Variants in GPC3 observed in about 807,000 individuals in gnomAD.
GPC3 encodes the protein glypican-3.
Under a neutral mutation model 34.4 loss-of-function variants are expected in GPC3, and 3 were observed. The observed-to-expected ratio is 0.09, with a 90% confidence interval of 0.04 to 0.23. GPC3 has a LOEUF of 0.23. Among genes scored for constraint, GPC3 ranks in the 10% least tolerant of loss-of-function variants. GPC3 has a pLI of 1.00. For synonymous variants in GPC3, 177 were observed against 174.0 expected (o/e 1.02, Z -0.13); for missense variants, 351 against 445.6 (o/e 0.79, Z 1.91).
At chrX:133,540,915 G>GGT (rs369378252) in intron 7 of GPC3, among the ~76,000 whole-genome samples, 5,888 of 91,573 alleles carry the variant, frequency 0.064, 195 homozygotes, top group Non-Finnish European at 0.079. Flanking sequence ...ACATTGTTGT[G>GGT]GTGTGTGTGT....
intron 4 of GPC3, among the ~76,000 whole-genome samples, chrX:133,696,500 T>C (rs1303718046): frequency 2.7e-5 from 3 of 112,589 alleles, no homozygotes; most frequent in African/African-American, 9.7e-5. Flanking sequence ...CTGCTTATAG[T>C]TGTAAAAGAG....
chrX:133,949,995 AAGTC>A (rs2076385197), intron 2 of GPC3, among the ~76,000 whole-genome samples: 1 of 112,023 alleles, frequency 8.9e-6, no homozygotes, highest in Non-Finnish European at 1.9e-5. Flanking sequence ...AATTATGTAA[AAGTC>A]AGCATCATAT....
chrX:133,641,305 G>A (rs957463959), intron 6 of GPC3, among the ~76,000 whole-genome samples: 20 of 109,611 alleles, frequency 1.8e-4, no homozygotes, highest in African/African-American at 6.0e-4. Context: ...GCGAAACCCC[G>A]TGTCTACTAA....
intron 6 of GPC3, among the ~76,000 whole-genome samples, chrX:133,659,904 A>G (rs916900442): frequency 1.8e-5 from 2 of 112,069 alleles, no homozygotes; most frequent in Non-Finnish European, 3.8e-5. Context: ...TCAACTCAGC[A>G]GTAAGTGTTT....
intron 3 of GPC3, among the ~76,000 whole-genome samples, chrX:133,728,321 C>T (rs2071431108): frequency 1.0e-5 from 1 of 97,274 alleles, no homozygotes; most frequent in Admixed American, 1.2e-4. Context: ...CTTACCAGTG[C>T]ATTTTTCTTG....
chrX:133,965,826 G>T (rs1229643478), intron 1 of GPC3, among the ~76,000 whole-genome samples: 1 of 111,399 alleles, frequency 9.0e-6, no homozygotes, highest in Admixed American at 9.5e-5. Context: ...CACTCTGTGA[G>T]TAATGCCCTC....
chrX:133,691,232 C>T (rs1453493690), intron 5 of GPC3, among the ~76,000 whole-genome samples: 2 of 111,403 alleles, frequency 1.8e-5, no homozygotes, highest in African/African-American at 3.3e-5. Context: ...GGTGGAGTGG[C>T]TCACACCTGT....
intron 1 of GPC3, among the ~76,000 whole-genome samples, chrX:133,968,718 C>A (rs1408332446): frequency 9.3e-6 from 1 of 107,589 alleles, no homozygotes; most frequent in Non-Finnish European, 1.9e-5. Flanking sequence ...TGAAGGCAAC[C>A]TAGGCTTTTT....
At chrX:133,929,998 A>G (rs1263623209) in intron 2 of GPC3, among the ~76,000 whole-genome samples, 1 of 112,270 alleles carries the variant, frequency 8.9e-6, no homozygotes, top group African/African-American at 3.2e-5. Context: ...TTAGTCACCA[A>G]ATAATTCCCA....
At chrX:133,848,985 C>T (rs1233355698) in intron 2 of GPC3, among the ~76,000 whole-genome samples, 1 of 110,075 alleles carries the variant, frequency 9.1e-6, no homozygotes, top group Non-Finnish European at 1.9e-5. Flanking sequence ...CATGGCTGAT[C>T]TCCATCTGTA....
At chrX:133,730,798 T>C (rs752821998) in intron 3 of GPC3, among the ~76,000 whole-genome samples, 1 of 109,279 alleles carries the variant, frequency 9.2e-6, no homozygotes, top group Admixed American at 9.8e-5. Context: ...ATGTCATATA[T>C]AAAAAAAAAG....
chrX:133,885,330 T>A (rs1320907529), intron 2 of GPC3, among the ~76,000 whole-genome samples: 1 of 111,802 alleles, frequency 8.9e-6, no homozygotes, highest in Middle Eastern at 4.2e-3. Flanking sequence ...ATTTAATCTT[T>A]AAAATATTAT....
chrX:133,765,955 C>T (rs895794335), intron 2 of GPC3, among the ~76,000 whole-genome samples: 1 of 111,639 alleles, frequency 9.0e-6, no homozygotes, highest in Non-Finnish European at 1.9e-5. Flanking sequence ...ACTAACTGAG[C>T]ACTCATTGTA....
intron 5 of GPC3, among the ~76,000 whole-genome samples, chrX:133,664,931 T>C (rs928276902): frequency 9.0e-6 from 1 of 110,935 alleles, no homozygotes; most frequent in African/African-American, 3.3e-5. Flanking sequence ...AGTGAGACCC[T>C]GTCTCAAAAC....
intron 4 of GPC3, among the ~76,000 whole-genome samples, chrX:133,697,319 T>A (rs1375581251): frequency 3.6e-5 from 4 of 111,975 alleles, no homozygotes; most frequent in African/African-American, 1.3e-4. Context: ...CATGCCTAAT[T>A]CTGCTGGAGA....
At chrX:133,757,936 C>T (rs910214437) in intron 2 of GPC3, among the ~76,000 whole-genome samples, 1 of 111,492 alleles carries the variant, frequency 9.0e-6, no homozygotes, top group Non-Finnish European at 1.9e-5. Context: ...AGCCAAAACA[C>T]ATATGAAAAA....
At chrX:133,807,458 T>C (rs2075642241) in intron 2 of GPC3, among the ~76,000 whole-genome samples, 1 of 111,763 alleles carries the variant, frequency 8.9e-6, no homozygotes, top group South Asian at 3.8e-4. Flanking sequence ...GTAACACAAA[T>C]GGACTAAGAC....
chrX:133,853,571 CATG>C (rs1247076480), intron 2 of GPC3, among the ~76,000 whole-genome samples: 1 of 112,278 alleles, frequency 8.9e-6, no homozygotes, highest in Non-Finnish European at 1.9e-5. Context: ...TGGTAATTAA[CATG>C]ATATCTTTCA....
chrX:133,600,411 G>T lies in GPC3; in HGVS notation c.1414-3812C>A, dbSNP rs190831544. Among the ~76,000 whole-genome samples, 201 of 111,748 alleles carry T rather than the reference G, an allele frequency of 1.8e-3. 1 individual carries two copies. The highest frequency in any genetic ancestry group is 6.3e-3 in the African/African-American group (193 of 30,796). On this transcript the variant is annotated intron_variant, in intron 6 of 7. Coordinates refer to ENST00000370818, the MANE Select transcript of GPC3 (RefSeq NM_004484.4). Reference sequence around the variant, plus strand: ...GTCCCCACTATTCTTGAGTAGCTCAGTTTAAAACAAAGTGCAATTAAACAA... The same window carrying T: ...GTCCCCACTATTCTTGAGTAGCTCATTTTAAAACAAAGTGCAATTAAACAA...
Sources: gnomAD v4.1 joint callset for allele counts (sites outside exome capture counted in the v4.1 genomes callset) on GRCh38, gnomAD v4.1.1 for gene constraint, MANE v1.5 for transcripts, NCBI Gene and HGNC (gene_info 2026-07-23, HGNC 2026-07-21) for gene names.